Variants in ATP11A observed in about 807,000 individuals in gnomAD.
ATP11A encodes the protein ATPase phospholipid transporting 11A.
A neutral mutation model predicts 154.4 loss-of-function variants in ATP11A; 81 were observed. The ratio of observed to expected loss-of-function variants is 0.52; its 90% CI spans 0.44 to 0.63. The LOEUF is 0.63. Among genes scored for constraint, ATP11A ranks in the 30% least tolerant of loss-of-function variants. The probability of loss-of-function intolerance (pLI) is 0.00; values close to 1 mark genes in which losing one functional copy is unlikely to be tolerated. For missense variants in ATP11A, 1,316 were observed against 1,474.3 expected, an observed-to-expected ratio of 0.89 and a Z score of 1.76; for synonymous variants, 623 against 585.9, an observed-to-expected ratio of 1.06 and a Z score of -0.91.
chr13:112,738,116 A>G (rs1217429258), intron 1 of ATP11A, among the ~76,000 whole-genome samples: 1 of 152,154 alleles, frequency 6.6e-6, no homozygotes, highest in East Asian at 1.9e-4. Flanking sequence ...TTATGCCTAT[A>G]ATCCTAGCAC....
In ATP11A at chr13:112,865,336, C is replaced by T. The variant is rs1310561039; in HGVS notation, c.2991+2761C>T. Among the ~76,000 whole-genome samples the T allele has an allele frequency of 3.7e-5, 5 of 136,110 alleles. No homozygotes were observed. The East Asian group carries it at 7.3e-4, about 20-fold the overall frequency. The allele number at this position is 136,110 out of a possible 152,430, so 89.3% of individuals were successfully genotyped here. A position where few individuals can be genotyped will look rare whatever the true frequency, so the allele number is the denominator to read the frequency against. On this transcript the variant is annotated intron_variant, in intron 25 of 29. Coordinates refer to ENST00000375645, the MANE Select transcript of ATP11A (RefSeq NM_015205.3). ...CAGTGCAGCCCGTGCAGCTTCCCAG[C>T]GGGGTCCATCACCACATGTGCAGTA...
Position 112,810,685 on chromosome 13 carries a change from C to G in ATP11A, c.400C>G (p.Gln134Glu). 6.2e-7 allele frequency: 1 copy of G among 1,614,170 alleles called. No homozygotes were observed. The highest frequency in any genetic ancestry group is 2.2e-5 in the East Asian group (1 of 44,878). Residue 134 changes from glutamine to glutamate, a missense_variant, in exon 5 of 30, where the codon CAG becomes GAG. Gln to Glu is a conservative substitution (Grantham distance 29). This residue lies in a region of ATP11A where 876 missense variants were observed against 1,006.8 expected (regional missense o/e 0.87). Coordinates refer to ENST00000375645, the MANE Select transcript of ATP11A (RefSeq NM_015205.3). ...AMNQCPVHFI[Q>E]HGKLVRKQSR... is the part of the protein sequence containing the mutation. ...GAACCAGTGTCCTGTTCATTTCATT[C>G]AGCACGGCAAGCTCGTTCGGAAACA...
chr13:112,819,490 C>A, intron 7 of ATP11A, 83 bp downstream of exon 7: 1 of 1,177,298 alleles, frequency 8.5e-7, no homozygotes, highest in East Asian at 2.4e-5. Flanking sequence ...AGTAGTCCAG[C>A]CATGTGGTGG....
At chr13:112,864,791 C>T (rs1426159402) in intron 25 of ATP11A, among the ~76,000 whole-genome samples, 1 of 81,356 alleles carries the variant, frequency 1.2e-5, no homozygotes, top group African/African-American at 6.0e-5. Flanking sequence ...TGCAGCTTCT[C>T]AGCGGGGTCC....
At chr13:112,738,080 C>T (rs151227298) in intron 1 of ATP11A, among the ~76,000 whole-genome samples, 94 of 152,296 alleles carry the variant, frequency 6.2e-4, no homozygotes, top group African/African-American at 2.0e-3. Context: ...GTTGAAATAG[C>T]TCCAACTTGG....
Position 112,879,449 on chromosome 13 carries a change from A to G in ATP11A, c.*9+1146A>G, listed in dbSNP as rs1246731499. 2.6e-5 allele frequency among the ~76,000 whole-genome samples: 4 copies of G among 152,230 alleles called. No individual in the cohort carries two copies. In the East Asian group the frequency reaches 7.7e-4, roughly 29 times the overall value. On this transcript the variant is annotated intron_variant, in intron 29 of 29. Coordinates refer to ENST00000375645, the MANE Select transcript of ATP11A (RefSeq NM_015205.3). ...TGAAATTATTAGGAACATTTTAATGACTCATAAGAGGTCCTTAAGAAACTG... is the reference window on the plus strand; with the variant it reads ...TGAAATTATTAGGAACATTTTAATGGCTCATAAGAGGTCCTTAAGAAACTG...
chr13:112,752,757 C>T (rs565318301), intron 1 of ATP11A, among the ~76,000 whole-genome samples: 20 of 152,248 alleles, frequency 1.3e-4, no homozygotes, highest in African/African-American at 4.3e-4. Flanking sequence ...ATTTACTTTC[C>T]ACCGCCGATA....
chr13:112,860,041 CTT>C (rs112313047), intron 23 of ATP11A, among the ~76,000 whole-genome samples: 5 of 143,580 alleles, frequency 3.5e-5, no homozygotes, highest in Non-Finnish European at 3.1e-5. Context: ...GACTTTTTTC[CTT>C]TTTTTTTTTT....
Position 112,842,386 on chromosome 13 carries a change from G to A in ATP11A, c.1809+7G>A. The A allele has an allele frequency of 3.8e-6, 6 of 1,592,974 alleles. No individual in the cohort carries two copies. The highest frequency in any genetic ancestry group is 5.1e-6 in the Non-Finnish European group (6 of 1,168,028). On this transcript the variant is annotated splice_region_variant and intron_variant, in intron 17 of 29. Coordinates refer to ENST00000375645, the MANE Select transcript of ATP11A (RefSeq NM_015205.3). ...AGTGGAGCGTAACGCAGTGGTGAGA[G>A]CCGGGCTGGGGAGGGCCTCGTGGCG... is the stretch of plus-strand genomic sequence containing the variant.
At chr13:112,778,674 CACT>C (rs2077409938) in intron 1 of ATP11A, among the ~76,000 whole-genome samples, 1 of 64,206 alleles carries the variant, frequency 1.6e-5, no homozygotes, top group African/African-American at 8.2e-5. Context: ...GAGGAGTAGC[CACT>C]GGAGTGAGTA....
chr13:112,801,562 A>C (rs1472590853), intron 2 of ATP11A, among the ~76,000 whole-genome samples: 2 of 152,246 alleles, frequency 1.3e-5, no homozygotes, highest in Non-Finnish European at 2.9e-5. Flanking sequence ...CAACAATAAC[A>C]AAAAAACTTC....
chr13:112,840,577 T>C (rs912696461), intron 16 of ATP11A, among the ~76,000 whole-genome samples: 1 of 143,670 alleles, frequency 7.0e-6, no homozygotes, highest in Non-Finnish European at 1.5e-5. Context: ...GCCTCCGTCC[T>C]CCCCCATGCC....
In ATP11A at chr13:112,696,227, G is replaced by T. The variant is rs1164620847; in HGVS notation, c.39+5772G>T. ...AGTGCACGGGGCGTCTTTGTTGCGC[G>T]CATGGACCTGCGGCTGCATCACCGT... On this transcript the variant is annotated intron_variant, in intron 1 of 29. Coordinates refer to ENST00000375645, the MANE Select transcript of ATP11A (RefSeq NM_015205.3). The surrounding 1 kb of genome is among the most constrained non-coding windows in gnomAD (Gnocchi z 6.2). 1.3e-5 allele frequency among the ~76,000 whole-genome samples: 2 copies of T among 152,230 alleles called. No homozygotes were observed. Among genetic ancestry groups the T allele is most frequent in the Non-Finnish European group, 2.9e-5 (2 of 68,030 alleles).
rs112604417 is a variant in ATP11A at position 112,832,244 on chromosome 13, C to T, written c.1396-616C>T. 5.3e-3 allele frequency among the ~76,000 whole-genome samples: 808 copies of T among 152,346 alleles called. 10 individuals are homozygous for T. The highest frequency in any genetic ancestry group is 0.019 in the African/African-American group (771 of 41,574). ...GGCTGATGCTGTTCCTGAATTTCCC[C>T]GCACACAGGGCAGCCTCGGGGATCA... On this transcript the variant is annotated intron_variant, in intron 13 of 29. Coordinates refer to ENST00000375645, the MANE Select transcript of ATP11A (RefSeq NM_015205.3).
At chr13:112,749,265 T>C (rs1450223647) in intron 1 of ATP11A, among the ~76,000 whole-genome samples, 1 of 152,244 alleles carries the variant, frequency 6.6e-6, no homozygotes, top group Non-Finnish European at 1.5e-5. Context: ...AGCTGGAATG[T>C]GTCATCCCTG....
chr13:112,794,665 C>T (rs1367459210), intron 2 of ATP11A, among the ~76,000 whole-genome samples: 1 of 152,064 alleles, frequency 6.6e-6, no homozygotes, highest in Non-Finnish European at 1.5e-5. Flanking sequence ...GTCAGGAGTT[C>T]TAGACAAGCC....
At chr13:112,823,888 C>G (rs757800790) in intron 9 of ATP11A, among the ~76,000 whole-genome samples, 38 of 152,170 alleles carry the variant, frequency 2.5e-4, no homozygotes, top group South Asian at 4.1e-4. Flanking sequence ...ATGCCCAAGG[C>G]CCTATTTGCA....
At position 112,860,409 on chromosome 13, in the gene ATP11A, G is replaced by A; in HGVS notation, c.2850G>A (p.Leu950=). The A allele has an allele frequency of 6.2e-7, 1 of 1,614,082 alleles. No homozygotes were observed. Among genetic ancestry groups the A allele is most frequent in the South Asian group, 1.1e-5 (1 of 91,072 alleles). ...GIDVLKRDPT[L]YRDVAKNALL... ...ACGTGCTCAAGAGAGACCCGACCCT[G>A]TACAGGTACCATCCTCCAAACAGCC... The change falls in exon 24 of 30, where the codon CTG becomes CTA. Residue 950 remains leucine (L), a synonymous_variant. Coordinates refer to ENST00000375645, the MANE Select transcript of ATP11A (RefSeq NM_015205.3).
chr13:112,853,165 A>G (rs2079820029), intron 18 of ATP11A, among the ~76,000 whole-genome samples: 1 of 151,996 alleles, frequency 6.6e-6, no homozygotes, highest in Admixed American at 6.6e-5. Flanking sequence ...GGCTGCGGTG[A>G]GCTGAGATCA....
Sources: gnomAD v4.1 joint callset for allele counts (sites outside exome capture counted in the v4.1 genomes callset) on GRCh38, gnomAD v4.1.1 for gene constraint, gnomAD v4.1.1 regional missense constraint, Gnocchi (gnomAD v3.1) non-coding constraint, MANE v1.5 for transcripts, NCBI Gene and HGNC (gene_info 2026-07-23, HGNC 2026-07-21) for gene names.